Variants in PGCKA1 observed in about 807,000 individuals in gnomAD.
PGCKA1 encodes PDCD10 and GCKIII kinases associated 1, also known as PDCD10 and GCKIII kinases-associated protein 1.
At chr4:37,544,894 G>C in the PGCKA1 span, among the ~76,000 whole-genome samples, 10 of 149,850 alleles carry the variant, frequency 6.7e-5, no homozygotes, top group Admixed American at 6.0e-4. Context: ...TTTTGCTCTT[G>C]TTGCGCAGGC....
At chr4:37,505,341 A>G in the PGCKA1 span, among the ~76,000 whole-genome samples, 1 of 152,072 alleles carries the variant, frequency 6.6e-6, no homozygotes, top group Admixed American at 6.6e-5. Context: ...GGATTTTTGC[A>G]CCAATATTTA....
chr4:37,582,053 T>A, the PGCKA1 span, among the ~76,000 whole-genome samples: 1 of 152,050 alleles, frequency 6.6e-6, no homozygotes, highest in East Asian at 1.9e-4. Context: ...AGCACTGAGT[T>A]CAAACGCAAA....
the PGCKA1 span, among the ~76,000 whole-genome samples, chr4:37,511,899 C>T: frequency 2.0e-5 from 3 of 152,256 alleles, no homozygotes; most frequent in Non-Finnish European, 4.4e-5. Flanking sequence ...CTTGCTGGAA[C>T]TCAAGTTCTG....
chr4:37,516,174 G>A, the PGCKA1 span, among the ~76,000 whole-genome samples: 9,599 of 152,210 alleles, frequency 0.063, 1,028 homozygotes, highest in African/African-American at 0.22. Flanking sequence ...GGCTGGCGCC[G>A]TAAAGGCTAA....
chr4:37,578,957 C>G, the PGCKA1 span, among the ~76,000 whole-genome samples: 1 of 152,106 alleles, frequency 6.6e-6, no homozygotes, highest in East Asian at 1.9e-4. Flanking sequence ...ATTCGGGAGG[C>G]TGAGGCAGGA....
At chr4:37,453,939 A>G in the PGCKA1 span, 1 of 152,980 alleles carries the variant, frequency 6.5e-6, no homozygotes, top group Admixed American at 6.6e-5. Context: ...GGCTCAGGGC[A>G]GCGCGGAGCC....
the PGCKA1 span, among the ~76,000 whole-genome samples, chr4:37,486,874 T>G: frequency 6.6e-6 from 1 of 152,202 alleles, no homozygotes; most frequent in African/African-American, 2.4e-5. Flanking sequence ...GACATTATCT[T>G]CATCTTGGAC....
chr4:37,559,763 G>A, the PGCKA1 span, among the ~76,000 whole-genome samples: 1 of 151,910 alleles, frequency 6.6e-6, no homozygotes, highest in Non-Finnish European at 1.5e-5. Context: ...TTCTCTCTGA[G>A]TCTCCTTCCC....
the PGCKA1 span, among the ~76,000 whole-genome samples, chr4:37,529,650 C>T: frequency 6.6e-6 from 1 of 152,238 alleles, no homozygotes; most frequent in African/African-American, 2.4e-5. Flanking sequence ...GAAGAACATA[C>T]TCTATTCCGG....
chr4:37,489,303 A>G, the PGCKA1 span, among the ~76,000 whole-genome samples: 59 of 152,294 alleles, frequency 3.9e-4, no homozygotes, highest in African/African-American at 1.3e-3. Context: ...ATAATTTTTC[A>G]TACACTAAAT....
the PGCKA1 span, chr4:37,588,917 C>T: frequency 1.9e-6 from 3 of 1,602,506 alleles, no homozygotes; most frequent in Non-Finnish European, 2.6e-6. Context: ...TGGAGAAATA[C>T]TACTTCTAAA....
At chr4:37,571,768 A>C in the PGCKA1 span, among the ~76,000 whole-genome samples, 1 of 151,588 alleles carries the variant, frequency 6.6e-6, no homozygotes, top group Non-Finnish European at 1.5e-5. Context: ...CGATCTCCTG[A>C]CCTCGTGATC....
At chr4:37,508,520 G>A in the PGCKA1 span, among the ~76,000 whole-genome samples, 1 of 112,578 alleles carries the variant, frequency 8.9e-6, no homozygotes, top group Admixed American at 8.6e-5. Context: ...TCAGTATGTT[G>A]GTTGCATTTT....
the PGCKA1 span, among the ~76,000 whole-genome samples, chr4:37,496,047 A>G: frequency 1.3e-5 from 2 of 152,180 alleles, no homozygotes; most frequent in African/African-American, 2.4e-5. Context: ...TCCATAACCT[A>G]TAGACAACCA....
At chr4:37,498,508 C>T in the PGCKA1 span, among the ~76,000 whole-genome samples, 1 of 152,068 alleles carries the variant, frequency 6.6e-6, no homozygotes, top group Admixed American at 6.5e-5. Context: ...ATGGTCATTT[C>T]CATAATATTG....
At chr4:37,497,079 A>G in the PGCKA1 span, among the ~76,000 whole-genome samples, 1 of 152,118 alleles carries the variant, frequency 6.6e-6, no homozygotes, top group African/African-American at 2.4e-5. Context: ...TTTATCCCTC[A>G]TTCTGTCCCA....
chr4:37,566,217 G>C, the PGCKA1 span, among the ~76,000 whole-genome samples: 2 of 151,752 alleles, frequency 1.3e-5, no homozygotes, highest in Non-Finnish European at 2.9e-5. Context: ...TTGCCGCATA[G>C]CACAACACCT....
chr4:37,503,601 C>T, the PGCKA1 span, among the ~76,000 whole-genome samples: 84 of 152,304 alleles, frequency 5.5e-4, no homozygotes, highest in African/African-American at 2.0e-3. Flanking sequence ...ATCTCCACAT[C>T]CTCACCAGTA....
chr4:37,570,163 T>TA, the PGCKA1 span, among the ~76,000 whole-genome samples: 4 of 140,204 alleles, frequency 2.9e-5, no homozygotes, highest in African/African-American at 1.1e-4. Context: ...TTTTTTTTTT[T>TA]TTTTTTTTGT....
Sources: allele counts gnomAD v4.1 joint callset (sites outside exome capture counted in the v4.1 genomes callset), GRCh38; gene constraint gnomAD v4.1.1; transcripts MANE v1.5; gene names NCBI Gene and HGNC (gene_info 2026-07-23, HGNC 2026-07-21).